MFN1: variants seen among roughly 807,000 people sequenced by gnomAD.
MFN1 encodes the protein mitofusin 1.
A neutral mutation model predicts 92.4 loss-of-function variants in MFN1; 65 were observed. That is an observed-to-expected ratio of 0.70 (90% CI 0.58 to 0.86). The LOEUF is 0.86. MFN1 is among the 40% of genes least tolerant of loss of function. The pLI is 0.00. For missense variants in MFN1, 781 were observed against 868.0 expected (o/e 0.90, Z 1.26); for synonymous variants, 297 against 300.9 (o/e 0.99, Z 0.13).
rs570389735 is a variant in MFN1 at position 179,363,523 on chromosome 3, G to T, written c.537-774G>T. Among the ~76,000 whole-genome samples, 21 of 151,132 alleles carry T rather than the reference G, an allele frequency of 1.4e-4. 2 individuals carry two copies. In the South Asian group the frequency reaches 4.2e-3, roughly 30 times the overall value. ...TTTTTTTTTTCGGAGGCAGGGTCTT[G>T]CTGTGTTGCCCAGTCTGGAGTGCAG... On this transcript the variant is annotated intron_variant, in intron 5 of 17. Transcript: ENST00000471841.
chr3:179,350,456 AT>A (rs996292795), intron 2 of MFN1, among the ~76,000 whole-genome samples: 9 of 151,650 alleles, frequency 5.9e-5, no homozygotes, highest in East Asian at 3.9e-4. Flanking sequence ...TTTTAAAAAT[AT>A]TTTTTTTTCT....
At chr3:179,379,150 CTT>C (rs71181287) in intron 14 of MFN1, among the ~76,000 whole-genome samples, 30,451 of 152,006 alleles carry the variant, frequency 0.2, 3,406 homozygotes, top group Admixed American at 0.25. Flanking sequence ...TGCAATATAT[CTT>C]TTCCACGTAT....
intron 4 of MFN1, among the ~76,000 whole-genome samples, chr3:179,359,281 C>T (rs1293520107): frequency 2.0e-5 from 3 of 151,794 alleles, no homozygotes; most frequent in South Asian, 2.1e-4. Flanking sequence ...CCACCACACC[C>T]GGCTAATTTT....
intron 9 of MFN1, among the ~76,000 whole-genome samples, chr3:179,370,072 GTTAA>G (rs961255216): frequency 3.3e-5 from 5 of 152,090 alleles, no homozygotes; most frequent in African/African-American, 7.2e-5. Context: ...AACATTTTTT[GTTAA>G]TTAATTACAT....
chr3:179,377,173 G>T lies in MFN1; in HGVS notation c.1224+5G>T. 1.2e-6 allele frequency: 2 copies of T among 1,611,978 alleles called. No homozygotes were observed. The highest frequency in any genetic ancestry group is 4.5e-5 in the East Asian group (2 of 44,770). ...ACCGAGGAGGTGGCAAACAAAGTGGGTAACAGTAGCTTCATGATTAAAATA... is the reference window on the plus strand; with the variant it reads ...ACCGAGGAGGTGGCAAACAAAGTGGTTAACAGTAGCTTCATGATTAAAATA... On this transcript the variant is annotated splice_donor_5th_base_variant and intron_variant, in intron 11 of 17. Transcript: ENST00000471841.
At chr3:179,367,952 A>ATC in intron 8 of MFN1, 84 bp from the exon 9 acceptor site, 1 of 626,414 alleles carries the variant, frequency 1.6e-6, no homozygotes, top group Non-Finnish European at 2.2e-6. Flanking sequence ...ATATATATAT[A>ATC]TTTAAAATTA....
At position 179,394,236 on chromosome 3, in the gene MFN1, A is replaced by G. The variant is rs866860753; in HGVS notation, c.*2177A>G. The G allele has an allele frequency of 3.9e-5, 6 of 152,246 alleles. 1 individual carries two copies. The South Asian group carries it at 1.2e-3, about 32-fold the overall frequency. 9.4% of individuals were successfully genotyped at this position (152,246 alleles called of 1,614,324 possible). On this transcript the variant is annotated 3_prime_UTR_variant, in exon 18 of 18. Transcript: ENST00000471841. ...CAGACAGTAGGTTTGAGGCCCAGCAATCTATGGTTTAACAAGCCATCCAGG... is the reference window on the plus strand; with the variant it reads ...CAGACAGTAGGTTTGAGGCCCAGCAGTCTATGGTTTAACAAGCCATCCAGG...
intron 5 of MFN1, among the ~76,000 whole-genome samples, chr3:179,363,085 C>A (rs562905127): frequency 6.6e-6 from 1 of 151,844 alleles, no homozygotes; most frequent in African/African-American, 2.4e-5. Flanking sequence ...AAATGGGTAA[C>A]GGTAGTGAAA....
intron 10 of MFN1, 60 bp from the exon 11 acceptor site, chr3:179,376,982 C>CT: frequency 6.4e-7 from 1 of 1,557,788 alleles, no homozygotes; most frequent in East Asian, 2.3e-5. Flanking sequence ...GAGTCCCTTG[C>CT]TGAAATGCTT....
chr3:179,378,040 A>C (rs990397680), intron 12 of MFN1, among the ~76,000 whole-genome samples: 3 of 152,164 alleles, frequency 2.0e-5, no homozygotes, highest in Non-Finnish European at 4.4e-5. Context: ...AACCTGGGCA[A>C]CAAGAGCAAA....
intron 1 of MFN1, among the ~76,000 whole-genome samples, chr3:179,348,276 GTTTGTC>G (rs1276614725): frequency 6.6e-6 from 1 of 152,220 alleles, no homozygotes; most frequent in East Asian, 1.9e-4. Flanking sequence ...GACCGTGATT[GTTTGTC>G]TTTGGTGTCT....
intron 10 of MFN1, among the ~76,000 whole-genome samples, chr3:179,376,061 A>G (rs1713229310): frequency 6.6e-6 from 1 of 152,260 alleles, no homozygotes; most frequent in Non-Finnish European, 1.5e-5. Flanking sequence ...AAACGCATCA[A>G]AGCTTAAGTC....
intron 8 of MFN1, 32 bp downstream of exon 8, chr3:179,367,624 T>G (rs772542696): frequency 1.3e-6 from 2 of 1,551,174 alleles, no homozygotes; most frequent in Non-Finnish European, 1.7e-6. Flanking sequence ...CCTGTTTAAA[T>G]ATAAAAATAT....
At chr3:179,373,511 GAATT>G (rs1308858528) in intron 9 of MFN1, among the ~76,000 whole-genome samples, 1 of 151,920 alleles carries the variant, frequency 6.6e-6, no homozygotes, top group Non-Finnish European at 1.5e-5. Context: ...GAGTATCAGA[GAATT>G]AATATATCCC....
chr3:179,375,455 G>C, intron 10 of MFN1, 114 bp downstream of exon 10: 1 of 1,330,066 alleles, frequency 7.5e-7, no homozygotes, highest in Non-Finnish European at 1.0e-6. Context: ...AATCAACCTT[G>C]TGGGTTTAAC....
intron 14 of MFN1, among the ~76,000 whole-genome samples, chr3:179,383,012 G>A (rs1713533406): frequency 6.6e-6 from 1 of 152,094 alleles, no homozygotes; most frequent in African/African-American, 2.4e-5. Context: ...CTCCCATTCT[G>A]TAGGTTGCCT....
At chr3:179,365,309 A>G in intron 7 of MFN1, 84 bp downstream of exon 7, 1 of 777,130 alleles carries the variant, frequency 1.3e-6, no homozygotes. Context: ...CTTATAGAAT[A>G]GAAAATTATA....
At chr3:179,353,394 G>T (rs1325449236) in intron 3 of MFN1, among the ~76,000 whole-genome samples, 2 of 150,700 alleles carry the variant, frequency 1.3e-5, no homozygotes, top group Non-Finnish European at 2.9e-5. Context: ...TTTTATTAGA[G>T]ATAGGGTTTC....
At chr3:179,363,414 AT>A (rs1560192780) in intron 5 of MFN1, among the ~76,000 whole-genome samples, 1 of 152,186 alleles carries the variant, frequency 6.6e-6, no homozygotes, top group Non-Finnish European at 1.5e-5. Flanking sequence ...ACATTTAAAA[AT>A]AACTAAAAGA....
Sources: gnomAD v4.1 joint callset for allele counts (sites outside exome capture counted in the v4.1 genomes callset) on GRCh38, gnomAD v4.1.1 for gene constraint, MANE v1.5 for transcripts, NCBI Gene and HGNC (gene_info 2026-07-23, HGNC 2026-07-21) for gene names.